FOXD1: variants seen among roughly 807,000 people sequenced by gnomAD.
FOXD1 encodes the protein forkhead box D1, also known as forkhead box protein D1.
A neutral mutation model predicts 2.0 loss-of-function variants in FOXD1; 4 were observed. That is an observed-to-expected ratio of 2.03 (90% CI 1.00 to 4.64). The LOEUF is 4.64. FOXD1 is among the 30% of genes most tolerant of loss of function. FOXD1 has a pLI of 0.01. For synonymous variants in FOXD1, 354 were observed against 328.5 expected, an observed-to-expected ratio of 1.08 and a Z score of -0.84; for missense variants, 586 against 647.6, an observed-to-expected ratio of 0.90 and a Z score of 1.03.
At position 73,447,285 on chromosome 5, in the gene FOXD1, A is replaced by T; in HGVS notation, c.1078T>A (p.Ser360Thr). The T allele has an allele frequency of 1.0e-6, 1 of 985,198 alleles. No homozygotes were observed. Among genetic ancestry groups the T allele is most frequent in the East Asian group, 1.1e-4 (1 of 8,780 alleles). The allele number at this position is 985,198 out of a possible 1,614,324, so 61.0% of individuals were successfully genotyped here. A position where few individuals can be genotyped will look rare whatever the true frequency, so the allele number is the denominator to read the frequency against. ...GGPGASALAR[S>T]PFSIESIIGG... is the part of the protein sequence containing the mutation. The stretch of plus-strand genomic sequence containing the variant: ...ATGATGCTCTCGATGGAGAAGGGCG[A>T]GCGCGCCAGCGCTGAGGCGCCCGGG... Residue 360 changes from serine (S) to threonine (T), a missense_variant, in exon 1 of 1, where the codon TCG (serine) becomes ACG (threonine). Transcript: ENST00000615637. This position sits in a 1 kb window ranked among gnomAD's most constrained non-coding sequence, Gnocchi z 7.8.
Position 73,446,851 on chromosome 5 carries a change from G to A in FOXD1, c.*114C>T, listed in dbSNP as rs758700014. The A allele has an allele frequency of 2.2e-6, 2 of 911,810 alleles. No individual in the cohort carries two copies. Among genetic ancestry groups the A allele is most frequent in the South Asian group, 1.5e-5 (1 of 68,746 alleles). 56.5% of individuals were successfully genotyped at this position (911,810 alleles called of 1,614,324 possible). Reference sequence around the variant, plus strand: ...AGAATTCGCAGCGGCGAAAATGGGCGCGCGAGGTCGAGAGGGGCCGCGCCT... The same window carrying A: ...AGAATTCGCAGCGGCGAAAATGGGCACGCGAGGTCGAGAGGGGCCGCGCCT... On this transcript the variant is annotated 3_prime_UTR_variant, in exon 1 of 1. Transcript: ENST00000615637.
rs771181929 is a variant in FOXD1, at chr5:73,447,727, G to A, written c.636C>T (p.Gly212=). 6.8e-6 allele frequency: 11 copies of A among 1,610,300 alleles called. No homozygotes were observed. The Admixed American group carries it at 1.8e-4, about 27-fold the overall frequency. Residue 212 remains glycine, a synonymous_variant, in exon 1 of 1, where the codon GGC becomes GGT. Coordinates refer to ENST00000615637, the MANE Select transcript of FOXD1 (RefSeq NM_004472.3). This position sits in a 1 kb window ranked among gnomAD's most constrained non-coding sequence, Gnocchi z 7.8. ...AGCGCTTCCTCCGGCGCAGGAAGCT[G>A]CCGTTGTCGAACATGTCGGCGGACT... ...DPESADMFDN[G]SFLRRRKRFK... is the part of the protein sequence containing the mutation.
Position 73,446,947 on chromosome 5 carries a change from C to A in FOXD1, c.*18G>T, listed in dbSNP as rs1745508831. On this transcript the variant is annotated 3_prime_UTR_variant, in exon 1 of 1. Coordinates refer to ENST00000615637, the MANE Select transcript of FOXD1 (RefSeq NM_004472.3). ...CGGGATTCCTACCTTCTTCCTCGAGCGCGCTAACATAGCGTTATTAACAAT... is the reference window on the plus strand; with the variant it reads ...CGGGATTCCTACCTTCTTCCTCGAGAGCGCTAACATAGCGTTATTAACAAT... 6.5e-7 allele frequency: 1 copy of A among 1,535,838 alleles called. No individual in the cohort carries two copies. Among genetic ancestry groups the A allele is most frequent in the East Asian group, 2.5e-5 (1 of 40,258 alleles).
Position 73,448,342 on chromosome 5 carries a change from C to T in FOXD1, c.21G>A (p.Met7Ile), listed in dbSNP as rs1745550731. The change falls in exon 1 of 1, where the codon ATG becomes ATA. Residue 7 changes from methionine (M) to isoleucine (I), a missense_variant. Around this residue, in one of 4 missense-constraint regions of FOXD1, gnomAD observed 183 missense variants for 159.2 expected, o/e 1.15. Coordinates refer to ENST00000615637, the MANE Select transcript of FOXD1 (RefSeq NM_004472.3). The stretch of plus-strand genomic sequence containing the variant: ...CCTCGGCGAGGCCAGAGGCATCGGA[C>T]ATCTCAGTGCTCAGGGTCATAGCTG... MTLSTE[M>I]SDASGLAEET... 7.0e-7 allele frequency: 1 copy of T among 1,428,582 alleles called. No individual in the cohort carries two copies. Among genetic ancestry groups the T allele is most frequent in the Non-Finnish European group, 9.3e-7 (1 of 1,078,238 alleles). 88.5% of individuals were successfully genotyped at this position (1,428,582 alleles called of 1,614,324 possible). A position where few individuals can be genotyped will look rare whatever the true frequency, so the allele number is the denominator to read the frequency against.
rs1402731039 is a variant in FOXD1, at chr5:73,447,802, G to A, written c.561C>T (p.Pro187=). The A allele has an allele frequency of 6.2e-7, 1 of 1,610,574 alleles. No individual in the cohort carries two copies. Among genetic ancestry groups the A allele is most frequent in the Admixed American group, 1.7e-5 (1 of 59,644 alleles). ...CCTTGCCCGGGTTGCCGGGCTCGCG[G>A]GGGATCTTGACGAAGCAGTCGTTGA... ...LSLNDCFVKI[P]REPGNPGKGN... The change falls in exon 1 of 1, where the codon CCC becomes CCT. Residue 187 remains proline, a synonymous_variant. Transcript: ENST00000615637. The surrounding 1 kb of genome is among the most constrained non-coding windows in gnomAD (Gnocchi z 7.8).
chr5:73,446,873 G>T lies in FOXD1; in HGVS notation c.*92C>A, dbSNP rs916148271. 2 of 1,131,454 alleles carry T rather than the reference G, an allele frequency of 1.8e-6. No homozygotes were observed. The highest frequency in any genetic ancestry group is 1.6e-5 in the African/African-American group (1 of 62,112). The allele number at this position is 1,131,454 out of a possible 1,614,324, so 70.1% of individuals were successfully genotyped here. A position where few individuals can be genotyped will look rare whatever the true frequency, so the allele number is the denominator to read the frequency against. On this transcript the variant is annotated 3_prime_UTR_variant, in exon 1 of 1. Transcript: ENST00000615637. Reference sequence around the variant, plus strand: ...GGCGCGCGAGGTCGAGAGGGGCCGCGCCTGGAGGAGCGAACAAAACACCGA... The same window carrying T: ...GGCGCGCGAGGTCGAGAGGGGCCGCTCCTGGAGGAGCGAACAAAACACCGA...
chr5:73,446,580 T>G lies in FOXD1; in HGVS notation c.*385A>C. ...ACCTTTACTATTTTTGTATTATTCT[T>G]TTGACCATTATTTTTTAACGCCTGG... On this transcript the variant is annotated 3_prime_UTR_variant, in exon 1 of 1. Transcript: ENST00000615637. 5.2e-6 allele frequency: 1 copy of G among 193,658 alleles called. No homozygotes were observed. The highest frequency in any genetic ancestry group is 1.1e-5 in the Non-Finnish European group (1 of 93,332). 12.0% of individuals were successfully genotyped at this position (193,658 alleles called of 1,614,324 possible). A position where few individuals can be genotyped will look rare whatever the true frequency, so the allele number is the denominator to read the frequency against.
Position 73,447,573 on chromosome 5 carries a change from G to A in FOXD1, c.790C>T (p.Pro264Ser), listed in dbSNP as rs2112139617. 5.5e-6 allele frequency: 6 copies of A among 1,094,068 alleles called. No individual in the cohort carries two copies. The highest frequency in any genetic ancestry group is 6.7e-5 in the East Asian group (1 of 14,962). The allele number at this position is 1,094,068 out of a possible 1,614,324, so 67.8% of individuals were successfully genotyped here. A position where few individuals can be genotyped will look rare whatever the true frequency, so the allele number is the denominator to read the frequency against. Residue 264 changes from proline (P) to serine (S), a missense_variant, in exon 1 of 1, where the codon CCG becomes TCG. By Grantham distance (74) the Pro-to-Ser change is moderately conservative. Around this residue, in one of 4 missense-constraint regions of FOXD1, gnomAD observed 253 missense variants for 234.4 expected, o/e 1.08. Coordinates refer to ENST00000615637, the MANE Select transcript of FOXD1 (RefSeq NM_004472.3). The surrounding 1 kb of genome is among the most constrained non-coding windows in gnomAD (Gnocchi z 7.8). ...CCGTAGCCGTAGGCATGCGGGGGCGGCGGGGGCGCGGGCGGGAAGAGCGCG... is the reference window on the plus strand; with the variant it reads ...CCGTAGCCGTAGGCATGCGGGGGCGACGGGGGCGCGGGCGGGAAGAGCGCG... ...AAALFPPAPP[P>S]PPHAYGYGPY...
chr5:73,447,685 C>T lies in FOXD1; in HGVS notation c.678G>A (p.Leu226=), dbSNP rs768537776. The change falls in exon 1 of 1, where the codon CTG becomes CTA. Residue 226 remains leucine, a synonymous_variant. Transcript: ENST00000615637. This position sits in a 1 kb window ranked among gnomAD's most constrained non-coding sequence, Gnocchi z 7.8. ...RRRKRFKRQP[L]LPPNAAAAES... ...CGGCGGCCGCGGCGTTGGGTGGGAGCAGCGGCTGCCGCTTGAAGCGCTTCC... is the reference window on the plus strand; with the variant it reads ...CGGCGGCCGCGGCGTTGGGTGGGAGTAGCGGCTGCCGCTTGAAGCGCTTCC... The T allele has an allele frequency of 6.2e-7, 1 of 1,601,680 alleles. No individual in the cohort carries two copies. Among genetic ancestry groups the T allele is most frequent in the South Asian group, 1.1e-5 (1 of 90,146 alleles).
Position 73,446,851 on chromosome 5 carries a change from G to T in FOXD1, c.*114C>A. 2 of 911,924 alleles carry T rather than the reference G, an allele frequency of 2.2e-6. No individual in the cohort carries two copies. The highest frequency in any genetic ancestry group is 1.5e-5 in the South Asian group (1 of 68,742). 56.5% of individuals were successfully genotyped at this position (911,924 alleles called of 1,614,324 possible). On this transcript the variant is annotated 3_prime_UTR_variant, in exon 1 of 1. Coordinates refer to ENST00000615637, the MANE Select transcript of FOXD1 (RefSeq NM_004472.3). The stretch of plus-strand genomic sequence containing the variant: ...AGAATTCGCAGCGGCGAAAATGGGC[G>T]CGCGAGGTCGAGAGGGGCCGCGCCT...
In FOXD1 at chr5:73,447,453, A is replaced by AGGCGGC. The variant is rs1225610688; in HGVS notation, c.904_909dup (p.Ala302_Ala303dup). 44 of 983,606 alleles carry AGGCGGC rather than the reference A, an allele frequency of 4.5e-5. No homozygotes were observed. The highest frequency in any genetic ancestry group is 1.3e-4 in the Admixed American group (2 of 15,718). 60.9% of individuals were successfully genotyped at this position (983,606 alleles called of 1,614,324 possible). ...GGCGGCGGGGGCGAGTGCGGGTGGAAGGCGGCGGCGGCGGCGGCGGCCGCT... is the reference window on the plus strand; with the variant it reads ...GGCGGCGGGGGCGAGTGCGGGTGGAAGGCGGCGGCGGCGGCGGCGGCGGCGGCCGCT... On this transcript the variant is annotated inframe_insertion, in exon 1 of 1. Transcript: ENST00000615637. The surrounding 1 kb of genome is among the most constrained non-coding windows in gnomAD (Gnocchi z 7.8).
rs768132530 is a variant in FOXD1 at position 73,447,435 on chromosome 5, G to C, written c.928C>G (p.Pro310Ala). Reference protein sequence around the residue: ...AAAAFHPHSPPPPPPPHGAAA... With the variant: ...AAAAFHPHSPAPPPPPHGAAA... ...GCGCCGTGCGGTGGCGGGGGCGGCG[G>C]GGGCGAGTGCGGGTGGAAGGCGGCG... is the stretch of plus-strand genomic sequence containing the variant. Residue 310 changes from proline (P) to alanine (A), a missense_variant, in exon 1 of 1, where the codon CCG (proline) becomes GCG (alanine). This residue lies in a region of FOXD1 where 253 missense variants were observed against 234.4 expected (regional missense o/e 1.08). Coordinates refer to ENST00000615637, the MANE Select transcript of FOXD1 (RefSeq NM_004472.3). The surrounding 1 kb of genome is among the most constrained non-coding windows in gnomAD (Gnocchi z 7.8). The C allele has an allele frequency of 1.7e-4, 171 of 984,666 alleles. 1 individual carries two copies. The highest frequency in any genetic ancestry group is 4.0e-5 in the Non-Finnish European group (33 of 831,402). 61.0% of individuals were successfully genotyped at this position (984,666 alleles called of 1,614,324 possible).
rs563067463 is a variant in FOXD1 at position 73,447,661 on chromosome 5, G to T, written c.702C>A (p.Ala234=). 2 of 1,574,392 alleles carry T rather than the reference G, an allele frequency of 1.3e-6. No individual in the cohort carries two copies. The highest frequency in any genetic ancestry group is 1.4e-5 in the African/African-American group (1 of 72,236). ...QPLLPPNAAA[A]ESLLLRGAGA... Reference sequence around the variant, plus strand: ...CCGCGCCGCGCAGCAGCAGAGACTCGGCGGCCGCGGCGTTGGGTGGGAGCA... The same window carrying T: ...CCGCGCCGCGCAGCAGCAGAGACTCTGCGGCCGCGGCGTTGGGTGGGAGCA... The change falls in exon 1 of 1, where the codon GCC becomes GCA. Residue 234 remains alanine (A), a synonymous_variant. Coordinates refer to ENST00000615637, the MANE Select transcript of FOXD1 (RefSeq NM_004472.3). This position sits in a 1 kb window ranked among gnomAD's most constrained non-coding sequence, Gnocchi z 7.8.
At position 73,447,061 on chromosome 5, in the gene FOXD1, G is replaced by A. The variant is rs1315203798; in HGVS notation, c.1302C>T (p.Ala434=). ...AGGCGGCGGACGAGGAGACTGAGGA[G>A]GCGGCGGCGGCCGCGGCGGCCACGA... ...RSLVAAAAAA[A]SSVSSSAALG... The change falls in exon 1 of 1, where the codon GCC becomes GCT. Residue 434 remains alanine (A), a synonymous_variant. Coordinates refer to ENST00000615637, the MANE Select transcript of FOXD1 (RefSeq NM_004472.3). This position sits in a 1 kb window ranked among gnomAD's most constrained non-coding sequence, Gnocchi z 7.8. 2.0e-6 allele frequency: 3 copies of A among 1,514,970 alleles called. No homozygotes were observed. The highest frequency in any genetic ancestry group is 2.7e-6 in the Non-Finnish European group (3 of 1,130,062). The allele number at this position is 1,514,970 out of a possible 1,614,324, so 93.8% of individuals were successfully genotyped here.
Position 73,448,206 on chromosome 5 carries a change from G to A in FOXD1, c.157C>T (p.Arg53Trp). ...GPRLAVPAQRRRRRRSYAGED... is the reference protein window; with the variant it reads ...GPRLAVPAQRWRRRRSYAGED... ...CCGGCGTACGAGCGCCGCCGCCGCC[G>A]CCGCTGCGCGGGGACAGCCAGCCGG... The change falls in exon 1 of 1, where the codon CGG becomes TGG. Residue 53 changes from arginine to tryptophan, a missense_variant. By Grantham distance (101) the Arg-to-Trp change is moderately radical (BLOSUM62 -3). Coordinates refer to ENST00000615637, the MANE Select transcript of FOXD1 (RefSeq NM_004472.3). 1.4e-6 allele frequency: 2 copies of A among 1,460,838 alleles called. No homozygotes were observed. Among genetic ancestry groups the A allele is most frequent in the Non-Finnish European group, 1.8e-6 (2 of 1,101,020 alleles). The allele number at this position is 1,460,838 out of a possible 1,614,324, so 90.5% of individuals were successfully genotyped here. A position where few individuals can be genotyped will look rare whatever the true frequency, so the allele number is the denominator to read the frequency against.
In FOXD1 at chr5:73,448,499, A is replaced by C. The variant is rs2112141159; in HGVS notation, c.-137T>G. On this transcript the variant is annotated 5_prime_UTR_variant, in exon 1 of 1. Coordinates refer to ENST00000615637, the MANE Select transcript of FOXD1 (RefSeq NM_004472.3). ...GGGGCGCTGCGACTGCGGCTGCCGG[A>C]GCTGCGCCGGGGCTGCCGGGTGGCG... 2.5e-6 allele frequency: 1 copy of C among 396,554 alleles called. No homozygotes were observed. Among genetic ancestry groups the C allele is most frequent in the African/African-American group, 2.2e-5 (1 of 45,690 alleles). 24.6% of individuals were successfully genotyped at this position (396,554 alleles called of 1,614,324 possible). A position where few individuals can be genotyped will look rare whatever the true frequency, so the allele number is the denominator to read the frequency against.
chr5:73,446,897 G>A lies in FOXD1; in HGVS notation c.*68C>T. The stretch of plus-strand genomic sequence containing the variant: ...CGCCTGGAGGAGCGAACAAAACACC[G>A]AACCACCAAGACGAGAAAAGGAGCC... On this transcript the variant is annotated 3_prime_UTR_variant, in exon 1 of 1. Transcript: ENST00000615637. 7.3e-7 allele frequency: 1 copy of A among 1,368,094 alleles called. No homozygotes were observed. The highest frequency in any genetic ancestry group is 1.0e-6 in the Non-Finnish European group (1 of 994,802). 84.7% of individuals were successfully genotyped at this position (1,368,094 alleles called of 1,614,324 possible). A position where few individuals can be genotyped will look rare whatever the true frequency, so the allele number is the denominator to read the frequency against.
chr5:73,448,392 C>T lies in FOXD1; in HGVS notation c.-30G>A. 8.4e-7 allele frequency: 1 copy of T among 1,187,890 alleles called. No homozygotes were observed. The highest frequency in any genetic ancestry group is 1.1e-6 in the Non-Finnish European group (1 of 945,302). The allele number at this position is 1,187,890 out of a possible 1,614,324, so 73.6% of individuals were successfully genotyped here. A position where few individuals can be genotyped will look rare whatever the true frequency, so the allele number is the denominator to read the frequency against. The stretch of plus-strand genomic sequence containing the variant: ...GTGGCGCGGCGGCGGCGGGGCGGCG[C>T]ATGGGGGCGCCGGGCTCCGGGCTCC... On this transcript the variant is annotated 5_prime_UTR_variant, in exon 1 of 1. It removes an upstream start codon present in the reference 5' UTR. Coordinates refer to ENST00000615637, the MANE Select transcript of FOXD1 (RefSeq NM_004472.3).
In FOXD1 at chr5:73,447,712, C is replaced by G; in HGVS notation, c.651G>C (p.Arg217=). Residue 217 remains arginine (R), a synonymous_variant, in exon 1 of 1, where the codon CGG becomes CGC. Coordinates refer to ENST00000615637, the MANE Select transcript of FOXD1 (RefSeq NM_004472.3). The surrounding 1 kb of genome is among the most constrained non-coding windows in gnomAD (Gnocchi z 7.8). ...GCGGCTGCCGCTTGAAGCGCTTCCTCCGGCGCAGGAAGCTGCCGTTGTCGA... is the reference window on the plus strand; with the variant it reads ...GCGGCTGCCGCTTGAAGCGCTTCCTGCGGCGCAGGAAGCTGCCGTTGTCGA... The part of the protein sequence containing the change: ...DMFDNGSFLR[R]RKRFKRQPLL... The G allele has an allele frequency of 1.2e-6, 2 of 1,608,352 alleles. No individual in the cohort carries two copies. The highest frequency in any genetic ancestry group is 1.7e-6 in the Non-Finnish European group (2 of 1,177,606).
Sources: gnomAD v4.1 joint callset for allele counts on GRCh38, gnomAD v4.1.1 for gene constraint, gnomAD v4.1.1 regional missense constraint, Gnocchi (gnomAD v3.1) non-coding constraint, MANE v1.5 for transcripts, NCBI Gene and HGNC (gene_info 2026-07-23, HGNC 2026-07-21) for gene names.